WASHC2C: variants seen among roughly 807,000 people sequenced by gnomAD.
WASHC2C encodes Vaccinia Penetration Factor.
In WASHC2C, 73 loss-of-function variants were observed where a neutral mutation model predicts 142.2. That is an observed-to-expected ratio of 0.51 (90% CI 0.43 to 0.62). WASHC2C has a LOEUF of 0.62. Among genes scored for constraint, WASHC2C ranks in the 20% least tolerant of loss-of-function variants. The pLI is 0.00. For synonymous variants in WASHC2C, 337 were observed against 565.5 expected (o/e 0.60, Z 5.73); for missense variants, 969 against 1,531.7 (o/e 0.63, Z 6.13).
intron 17 of WASHC2C, among the ~76,000 whole-genome samples, chr10:45,759,871 A>G (rs1322759453): frequency 1.3e-5 from 2 of 151,586 alleles, no homozygotes; most frequent in Non-Finnish European, 2.9e-5. Context: ...GGGCTTTAGA[A>G]AGCAATATGT....
chr10:45,731,789 C>G (rs1487198972), intron 3 of WASHC2C, among the ~76,000 whole-genome samples: 2 of 135,834 alleles, frequency 1.5e-5, no homozygotes, highest in Non-Finnish European at 3.1e-5. Flanking sequence ...TGTAAGTGAT[C>G]TGGCTTTTTT....
At chr10:45,749,939 C>T (rs1443141724) in intron 8 of WASHC2C, among the ~76,000 whole-genome samples, 157 bp from the exon 9 acceptor site, 1 of 127,152 alleles carries the variant, frequency 7.9e-6, no homozygotes, top group Admixed American at 8.1e-5. Flanking sequence ...TGTATTATTT[C>T]TTCCAGCACA....
rs74128819 is a variant in WASHC2C, at chr10:45,785,755, C to T, written c.2811+124C>T. The T allele has an allele frequency of 1.7e-3, 2,746 of 1,577,564 alleles. 3 individuals are homozygous for T. In the African/African-American group the frequency reaches 0.032, roughly 19 times the overall value. ...AAGGAGGAAACAGCAACCAGGGCTACAGCTTTGTCTTCACTGCACTTCCCC... is the reference window on the plus strand; with the variant it reads ...AAGGAGGAAACAGCAACCAGGGCTATAGCTTTGTCTTCACTGCACTTCCCC... On this transcript the variant is annotated intron_variant, in intron 26 of 30. Coordinates refer to ENST00000623400, the MANE Select transcript of WASHC2C (RefSeq NM_001330074.2).
intron 5 of WASHC2C, among the ~76,000 whole-genome samples, chr10:45,741,706 C>T (rs1198180490): frequency 2.0e-5 from 3 of 152,084 alleles, no homozygotes; most frequent in Non-Finnish European, 2.9e-5. Flanking sequence ...GATATCATTG[C>T]CAAAGGGCAA....
chr10:45,779,875 C>T (rs1414680638), intron 23 of WASHC2C, among the ~76,000 whole-genome samples: 1 of 151,972 alleles, frequency 6.6e-6, no homozygotes, highest in East Asian at 1.9e-4. Flanking sequence ...ATCCCAGCTA[C>T]TTGGGAGGCT....
intron 16 of WASHC2C, among the ~76,000 whole-genome samples, chr10:45,757,495 A>G (rs2054451869): frequency 6.6e-6 from 1 of 151,516 alleles, no homozygotes; most frequent in South Asian, 2.1e-4. Context: ...CTTCCATATA[A>G]GCACAATGCC....
rs782817458 is a variant in WASHC2C at position 45,750,853 on chromosome 10, C to T, written c.931+15C>T. ...GGAGCCGACAAGTGAGCCCCAGCCACGTTGATGGGGAGTAGGGGAGGAGTA... is the reference window on the plus strand; with the variant it reads ...GGAGCCGACAAGTGAGCCCCAGCCATGTTGATGGGGAGTAGGGGAGGAGTA... On this transcript the variant is annotated intron_variant, in intron 10 of 30. Coordinates refer to ENST00000623400, the MANE Select transcript of WASHC2C (RefSeq NM_001330074.2). The T allele has an allele frequency of 8.7e-5, 134 of 1,546,574 alleles. No homozygotes were observed. The highest frequency in any genetic ancestry group is 1.1e-4 in the Non-Finnish European group (129 of 1,146,104).
intron 23 of WASHC2C, among the ~76,000 whole-genome samples, chr10:45,784,293 C>CATATATATATATATATATACACACATAT (rs2057844097): frequency 1.6e-5 from 1 of 63,660 alleles, no homozygotes; most frequent in African/African-American, 5.1e-5. Context: ...TATATATACA[C>CATATATATATATATATATACACACATAT]ATATATATAT....
At chr10:45,738,081 A>G in intron 4 of WASHC2C, 36 bp downstream of exon 4, 1 of 1,611,938 alleles carries the variant, frequency 6.2e-7, no homozygotes, top group Non-Finnish European at 8.5e-7. Context: ...TGAGTTTCTG[A>G]CTTTGAAAAG....
chr10:45,737,922 A>T (rs1554865459), intron 3 of WASHC2C, 61 bp from the exon 4 acceptor site: 52 of 1,611,486 alleles, frequency 3.2e-5, no homozygotes, highest in Non-Finnish European at 4.4e-5. Context: ...GAATTCTTAT[A>T]TTGTGATTTA....
chr10:45,739,814 T>C (rs1441215183), intron 4 of WASHC2C, among the ~76,000 whole-genome samples: 3 of 152,040 alleles, frequency 2.0e-5, no homozygotes, highest in Non-Finnish European at 4.4e-5. Context: ...GTTGTACCTC[T>C]GCTTTTGTAG....
At chr10:45,749,696 C>T (rs2053296315) in intron 8 of WASHC2C, among the ~76,000 whole-genome samples, 1 of 150,002 alleles carries the variant, frequency 6.7e-6, no homozygotes, top group Admixed American at 6.6e-5. Flanking sequence ...CGTAGTGGTG[C>T]ATGCGTGTAA....
In WASHC2C at chr10:45,757,200, C is replaced by T; in HGVS notation, c.1548+61C>T. 8 of 1,610,086 alleles carry T rather than the reference C, an allele frequency of 5.0e-6. No homozygotes were observed. In the Admixed American group the frequency reaches 8.4e-5, roughly 17 times the overall value. ...ATCTGCAGCATTTTAATAATTCATC[C>T]GGAACCCAGAGGGAAGTACTGTTCC... On this transcript the variant is annotated intron_variant, in intron 16 of 30. Transcript: ENST00000623400.
At chr10:45,783,758 G>A (rs2057703867) in intron 23 of WASHC2C, among the ~76,000 whole-genome samples, 1 of 152,216 alleles carries the variant, frequency 6.6e-6, no homozygotes, top group African/African-American at 2.4e-5. Context: ...ACCATGCCTG[G>A]CCTTTTTGTT....
intron 21 of WASHC2C, among the ~76,000 whole-genome samples, chr10:45,775,621 G>T (rs1211705955): frequency 6.7e-6 from 1 of 150,184 alleles, no homozygotes; most frequent in Non-Finnish European, 1.5e-5. Flanking sequence ...TATGAAGGAA[G>T]AATATGATTT....
At position 45,753,246 on chromosome 10, in the gene WASHC2C, G is replaced by C. The variant is rs782359499; in HGVS notation, c.1180+9G>C. Reference sequence around the variant, plus strand: ...AGCCTCTGTTAAGGAGGGTAAGCTGGGGCTGGGCAGCTGCGTCTCCGTGTG... The same window carrying C: ...AGCCTCTGTTAAGGAGGGTAAGCTGCGGCTGGGCAGCTGCGTCTCCGTGTG... On this transcript the variant is annotated intron_variant, in intron 13 of 30. Coordinates refer to ENST00000623400, the MANE Select transcript of WASHC2C (RefSeq NM_001330074.2). The C allele has an allele frequency of 8.0e-7, 1 of 1,249,930 alleles. No individual in the cohort carries two copies. The highest frequency in any genetic ancestry group is 1.1e-6 in the Non-Finnish European group (1 of 939,862). The allele number at this position is 1,249,930 out of a possible 1,614,324, so 77.4% of individuals were successfully genotyped here. A position where few individuals can be genotyped will look rare whatever the true frequency, so the allele number is the denominator to read the frequency against.
chr10:45,770,099 G>A (rs1165054962), intron 20 of WASHC2C, among the ~76,000 whole-genome samples: 3 of 151,480 alleles, frequency 2.0e-5, no homozygotes, highest in Admixed American at 6.6e-5. Flanking sequence ...AAATTAGCCG[G>A]GTGTGGTGGC....
Position 45,789,428 on chromosome 10 carries a change from G to T in WASHC2C, c.3645G>T (p.Lys1215Asn). The change falls in exon 29 of 31, where the codon AAG becomes AAT. Residue 1215 changes from lysine to asparagine, a missense_variant. Lys to Asn is a moderately conservative substitution (Grantham distance 94, BLOSUM62 0). Coordinates refer to ENST00000623400, the MANE Select transcript of WASHC2C (RefSeq NM_001330074.2). ...ACCTCTTTACAGATCAGAAAGTCAA[G>T]AAGAATGAGACAAAATCCAGTAGTC... ...EDDLFTDQKV[K>N]KNETKSSSQQ... is the part of the protein sequence containing the mutation. 1 of 1,612,034 alleles carries T rather than the reference G, an allele frequency of 6.2e-7. No homozygotes were observed. The highest frequency in any genetic ancestry group is 8.5e-7 in the Non-Finnish European group (1 of 1,179,864).
chr10:45,759,852 A>G (rs1554879427), intron 17 of WASHC2C, among the ~76,000 whole-genome samples: 2 of 151,852 alleles, frequency 1.3e-5, no homozygotes, highest in Non-Finnish European at 2.9e-5. Context: ...TAATCTCTTG[A>G]GAGCACAGGG....
Sources: allele counts gnomAD v4.1 joint callset (sites outside exome capture counted in the v4.1 genomes callset), GRCh38; gene constraint gnomAD v4.1.1; transcripts MANE v1.5; gene names NCBI Gene and HGNC (gene_info 2026-07-23, HGNC 2026-07-21).